CELF2: variants seen among roughly 807,000 people sequenced by gnomAD.
The protein encoded by CELF2 is CUG triplet repeat RNA-binding protein 2.
In CELF2, 8 loss-of-function variants were observed where a neutral mutation model predicts 62.6. The ratio of observed to expected loss-of-function variants is 0.13; its 90% CI spans 0.07 to 0.23. CELF2 has a LOEUF of 0.23. Among genes scored for constraint, CELF2 ranks in the 10% least tolerant of loss-of-function variants. The probability of loss-of-function intolerance (pLI) is 1.00; values close to 1 mark genes in which losing one functional copy is unlikely to be tolerated. For synonymous variants in CELF2, 258 were observed against 250.0 expected (o/e 1.03, Z -0.30); for missense variants, 333 against 671.0 (o/e 0.50, Z 5.56).
At chr10:11,216,922 A>C (rs2063511095) in intron 2 of CELF2, among the ~76,000 whole-genome samples, 1 of 152,252 alleles carries the variant, frequency 6.6e-6, no homozygotes, top group Admixed American at 6.5e-5. Flanking sequence ...TACATCATGT[A>C]ATGTGGTGGA....
At chr10:11,180,690 G>A (rs765804710) in intron 2 of CELF2, among the ~76,000 whole-genome samples, 3 of 152,108 alleles carry the variant, frequency 2.0e-5, no homozygotes, top group African/African-American at 4.8e-5. Flanking sequence ...TGGAGTACTC[G>A]CCATGCGCTA....
At chr10:10,787,068 T>C in the CELF2 span, among the ~76,000 whole-genome samples, 1 of 152,220 alleles carries the variant, frequency 6.6e-6, no homozygotes, top group Admixed American at 6.5e-5. Flanking sequence ...ATGTGGCGTG[T>C]GTTAGAACTT....
the CELF2 span, among the ~76,000 whole-genome samples, chr10:10,511,197 G>T: frequency 6.6e-6 from 1 of 152,294 alleles, no homozygotes; most frequent in East Asian, 1.9e-4. Flanking sequence ...ATCACCTGAG[G>T]TCAGGAGTTC....
the CELF2 span, among the ~76,000 whole-genome samples, chr10:10,753,417 A>G: frequency 3.9e-5 from 6 of 152,040 alleles, 1 homozygote; most frequent in South Asian, 6.2e-4. Flanking sequence ...AAAAATATAT[A>G]CTTTAGCTCA....
At chr10:10,782,635 A>G in the CELF2 span, among the ~76,000 whole-genome samples, 1 of 152,194 alleles carries the variant, frequency 6.6e-6, no homozygotes, top group African/African-American at 2.4e-5. Context: ...CCAGTAAACA[A>G]TCTTTATGGG....
chr10:10,693,303 G>A, the CELF2 span, among the ~76,000 whole-genome samples: 1 of 134,522 alleles, frequency 7.4e-6, no homozygotes, highest in Non-Finnish European at 1.6e-5. Context: ...TTTATATGCT[G>A]GATTACATTT....
intron 2 of CELF2, among the ~76,000 whole-genome samples, chr10:11,206,955 C>G (rs959290727): frequency 2.6e-5 from 4 of 152,252 alleles, no homozygotes; most frequent in African/African-American, 9.6e-5. Flanking sequence ...CAGCTGAACA[C>G]GATGATTGTC....
In CELF2 at chr10:11,297,645, T is replaced by C. The variant is rs183354124; in HGVS notation, c.976+9093T>C. On this transcript the variant is annotated intron_variant, in intron 9 of 12. Coordinates refer to ENST00000633077, the MANE Select transcript of CELF2 (RefSeq NM_001326342.2). The surrounding 1 kb of genome is among the most constrained non-coding windows in gnomAD (Gnocchi z 4.4). ...CAGTGAGAGAGGACACAATTCTATATGACATGTTCATGAAATGTGAATATT... is the reference window on the plus strand; with the variant it reads ...CAGTGAGAGAGGACACAATTCTATACGACATGTTCATGAAATGTGAATATT... Among the ~76,000 whole-genome samples, 78 of 152,186 alleles carry C rather than the reference T, an allele frequency of 5.1e-4. No individual in the cohort carries two copies. The highest frequency in any genetic ancestry group is 1.8e-3 in the African/African-American group (74 of 41,438).
intron 1 of CELF2, among the ~76,000 whole-genome samples, chr10:11,129,912 C>T (rs779556267): frequency 1.4e-4 from 21 of 152,054 alleles, no homozygotes; most frequent in Non-Finnish European, 2.9e-5. Context: ...TGCTTTCTGC[C>T]AGCTTTTAAA....
At chr10:10,663,925 C>T in the CELF2 span, among the ~76,000 whole-genome samples, 6 of 152,156 alleles carry the variant, frequency 3.9e-5, no homozygotes, top group Non-Finnish European at 5.9e-5. Flanking sequence ...TTGTAAGTGA[C>T]ATTTTGAAAG....
chr10:10,591,787 A>G, the CELF2 span, among the ~76,000 whole-genome samples: 7 of 152,236 alleles, frequency 4.6e-5, no homozygotes, highest in African/African-American at 1.7e-4. Context: ...CTTTGTCACC[A>G]GTAGCTCTGC....
intron 1 of CELF2, among the ~76,000 whole-genome samples, chr10:10,883,617 G>A (rs766485311): frequency 1.3e-5 from 2 of 152,098 alleles, no homozygotes; most frequent in Non-Finnish European, 2.9e-5. Context: ...GTGACTTTGT[G>A]AAGGGGACAG....
At chr10:10,800,880 C>A in intron 1 of CELF2, among the ~76,000 whole-genome samples, 1 of 151,878 alleles carries the variant, frequency 6.6e-6, no homozygotes. Flanking sequence ...GATTACTAAC[C>A]TGTCTCTAAA....
the CELF2 span, among the ~76,000 whole-genome samples, chr10:10,763,475 G>A: frequency 6.6e-6 from 1 of 152,142 alleles, no homozygotes; most frequent in Non-Finnish European, 1.5e-5. Context: ...AACCCACCCT[G>A]CATGGTCATG....
the CELF2 span, among the ~76,000 whole-genome samples, chr10:10,463,991 G>A: frequency 6.7e-6 from 1 of 150,002 alleles, no homozygotes; most frequent in Non-Finnish European, 1.5e-5. Context: ...GGATTTTGAA[G>A]GTTGTATGCT....
intron 1 of CELF2, among the ~76,000 whole-genome samples, chr10:11,129,812 T>G (rs2131791309): frequency 6.6e-6 from 1 of 152,354 alleles, no homozygotes; most frequent in South Asian, 2.1e-4. Context: ...TGTTGATCTT[T>G]TCAAAAAACC....
intron 1 of CELF2, among the ~76,000 whole-genome samples, chr10:10,867,123 A>G (rs557915877): frequency 6.6e-6 from 1 of 152,270 alleles, no homozygotes; most frequent in African/African-American, 2.4e-5. Context: ...CTCTCTGGGA[A>G]ACAAAGGCTC....
At chr10:11,304,285 T>A (rs1298751167) in intron 9 of CELF2, among the ~76,000 whole-genome samples, 1 of 152,152 alleles carries the variant, frequency 6.6e-6, no homozygotes, top group Non-Finnish European at 1.5e-5. Flanking sequence ...CATGCTGCCA[T>A]CTCTGATTTT....
the CELF2 span, among the ~76,000 whole-genome samples, chr10:10,524,420 C>T: frequency 6.7e-6 from 1 of 150,038 alleles, no homozygotes; most frequent in South Asian, 2.2e-4. Context: ...CTAGTATGAA[C>T]ACAGGTTCAC....
Sources: allele counts gnomAD v4.1 joint callset (sites outside exome capture counted in the v4.1 genomes callset), GRCh38; gene constraint gnomAD v4.1.1; non-coding constraint Gnocchi (gnomAD v3.1); transcripts MANE v1.5; gene names NCBI Gene and HGNC (gene_info 2026-07-23, HGNC 2026-07-21).